The following PDLIM1 variants were observed in gnomAD, a reference collection of about 807,000 sequenced individuals.
PDLIM1 encodes PDZ and LIM domain protein 1.
In PDLIM1, 25 loss-of-function variants were observed where a neutral mutation model predicts 35.2. The observed-to-expected ratio is 0.71, with a 90% CI of 0.52 to 0.99. The LOEUF is 0.99. Ranked by LOEUF, PDLIM1 falls within the 50% of genes least tolerant of loss-of-function variation. The pLI is 0.00. For missense variants in PDLIM1, 363 were observed against 415.3 expected, an observed-to-expected ratio of 0.87 and a Z score of 1.09; for synonymous variants, 152 against 154.0, an observed-to-expected ratio of 0.99 and a Z score of 0.10.
chr10:95,257,443 TAAA>T (rs944159358), intron 4 of PDLIM1, among the ~76,000 whole-genome samples: 2 of 150,304 alleles, frequency 1.3e-5, no homozygotes, highest in Non-Finnish European at 3.0e-5. Context: ...CCAGAATATA[TAAA>T]AAAAAACTCC....
At chr10:95,279,203 A>C (rs1056316739) in intron 1 of PDLIM1, among the ~76,000 whole-genome samples, 1 of 152,226 alleles carries the variant, frequency 6.6e-6, no homozygotes, top group Non-Finnish European at 1.5e-5. Flanking sequence ...CTGATCCTCT[A>C]TATGAGACAC....
At chr10:95,270,731 T>A (rs1348745465) in intron 2 of PDLIM1, among the ~76,000 whole-genome samples, 1 of 152,100 alleles carries the variant, frequency 6.6e-6, no homozygotes, top group Non-Finnish European at 1.5e-5. Context: ...CTCAGCACAA[T>A]GCAGTAGCAG....
At chr10:95,262,410 T>C (rs1265163198) in intron 4 of PDLIM1, among the ~76,000 whole-genome samples, 1 of 152,206 alleles carries the variant, frequency 6.6e-6, no homozygotes, top group East Asian at 1.9e-4. Flanking sequence ...GACCACACAG[T>C]GTTTTCCAAC....
chr10:95,289,332 C>T (rs1331278209), intron 1 of PDLIM1, among the ~76,000 whole-genome samples: 1 of 152,094 alleles, frequency 6.6e-6, no homozygotes, highest in Non-Finnish European at 1.5e-5. Context: ...CTACCAGGCT[C>T]GGGGACGATT....
At chr10:95,238,983 G>T in intron 5 of PDLIM1, 4 of 254,618 alleles carry the variant, frequency 1.6e-5, no homozygotes, top group Non-Finnish European at 1.5e-5. Flanking sequence ...CAAGGCTACA[G>T]TAATCAAAAC....
Position 95,237,707 on chromosome 10 carries a change from A to G in PDLIM1, c.*218T>C. The G allele has an allele frequency of 1.8e-6, 1 of 544,286 alleles. No individual in the cohort carries two copies. The highest frequency in any genetic ancestry group is 3.2e-5 in the Admixed American group (1 of 31,236). 33.7% of individuals were successfully genotyped at this position (544,286 alleles called of 1,614,324 possible). On this transcript the variant is annotated 3_prime_UTR_variant, in exon 7 of 7. Transcript: ENST00000329399. Reference sequence around the variant, plus strand: ...GCGAAGGGACACAGTGTTGCTGACAAGGTGACACTGAACAAAACAGTTTTC... The same window carrying G: ...GCGAAGGGACACAGTGTTGCTGACAGGGTGACACTGAACAAAACAGTTTTC...
chr10:95,279,139 C>T (rs2133439303), intron 1 of PDLIM1, among the ~76,000 whole-genome samples: 1 of 152,286 alleles, frequency 6.6e-6, no homozygotes, highest in East Asian at 1.9e-4. Flanking sequence ...GAAAATCTGG[C>T]AATTCTGGGC....
intron 4 of PDLIM1, among the ~76,000 whole-genome samples, chr10:95,252,284 T>A (rs1326417471): frequency 6.6e-6 from 1 of 152,142 alleles, no homozygotes; most frequent in African/African-American, 2.4e-5. Flanking sequence ...GGAAGCCATA[T>A]GGGGAGCCAG....
At chr10:95,286,891 T>C (rs149461646) in intron 1 of PDLIM1, among the ~76,000 whole-genome samples, 1 of 152,326 alleles carries the variant, frequency 6.6e-6, no homozygotes, top group African/African-American at 2.4e-5. Context: ...CAGCAATTCC[T>C]TGGTGCTTTT....
At chr10:95,248,788 C>A (rs753458159) in intron 4 of PDLIM1, among the ~76,000 whole-genome samples, 2 of 152,218 alleles carry the variant, frequency 1.3e-5, no homozygotes, top group African/African-American at 4.8e-5. Flanking sequence ...CCAGGCTTCC[C>A]GCTGTGCCTG....
intron 1 of PDLIM1, among the ~76,000 whole-genome samples, chr10:95,283,991 G>C (rs753256526): frequency 0.11 from 17,219 of 151,138 alleles, 1,253 homozygotes; most frequent in Middle Eastern, 0.2. Flanking sequence ...CTGTGTGTGT[G>C]TGTGTGTGTG....
At chr10:95,268,473 C>T (rs747648765) in intron 3 of PDLIM1, among the ~76,000 whole-genome samples, 1 of 152,178 alleles carries the variant, frequency 6.6e-6, no homozygotes, top group Non-Finnish European at 1.5e-5. Flanking sequence ...CTGAATAGCT[C>T]CTTGACTTCA....
Position 95,290,965 on chromosome 10 carries a change from G to C in PDLIM1, c.-50C>G, listed in dbSNP as rs2035648869. On this transcript the variant is annotated 5_prime_UTR_variant, in exon 1 of 7. Coordinates refer to ENST00000329399, the MANE Select transcript of PDLIM1 (RefSeq NM_020992.4). The surrounding 1 kb of genome is among the most constrained non-coding windows in gnomAD (Gnocchi z 4.7). ...CCGCGGGGACAGACGGGCAGGACGC[G>C]CGGAACAGCTTGCAGGGCACCCCCG... 1 of 1,232,450 alleles carries C rather than the reference G, an allele frequency of 8.1e-7. No individual in the cohort carries two copies. The highest frequency in any genetic ancestry group is 1.6e-5 in the African/African-American group (1 of 64,462). The allele number at this position is 1,232,450 out of a possible 1,614,324, so 76.3% of individuals were successfully genotyped here.
At chr10:95,272,733 AG>A (rs2035476511) in intron 1 of PDLIM1, among the ~76,000 whole-genome samples, 1 of 152,146 alleles carries the variant, frequency 6.6e-6, no homozygotes, top group Admixed American at 6.5e-5. Flanking sequence ...GATATCCTAA[AG>A]TATGGTAGTA....
chr10:95,247,595 G>C, intron 4 of PDLIM1: 1 of 413,018 alleles, frequency 2.4e-6, no homozygotes, highest in Non-Finnish European at 4.3e-6. Flanking sequence ...CTTCTAAATA[G>C]CTTCAGTAGC....
Position 95,247,094 on chromosome 10 carries a change from A to G in PDLIM1, c.685+121T>C, listed in dbSNP as rs181171646. On this transcript the variant is annotated intron_variant, in intron 5 of 6. Transcript: ENST00000329399. ...CTATCTCTTTTTAAAGAATTTCAGC[A>G]TTTTAAAAGCCCATGCCCTCCAAAG... 1.5e-5 allele frequency: 12 copies of G among 812,408 alleles called. No individual in the cohort carries two copies. In the Admixed American group the frequency reaches 2.9e-4, roughly 20 times the overall value. 50.3% of individuals were successfully genotyped at this position (812,408 alleles called of 1,614,324 possible). A position where few individuals can be genotyped will look rare whatever the true frequency, so the allele number is the denominator to read the frequency against.
chr10:95,246,983 T>C (rs1260340779), intron 5 of PDLIM1, among the ~76,000 whole-genome samples: 4 of 152,170 alleles, frequency 2.6e-5, no homozygotes, highest in Admixed American at 2.0e-4. Flanking sequence ...CAGGACACAG[T>C]TGGCCAGGCC....
At chr10:95,275,987 A>AT (rs2035508537) in intron 1 of PDLIM1, among the ~76,000 whole-genome samples, 1 of 152,200 alleles carries the variant, frequency 6.6e-6, no homozygotes, top group Non-Finnish European at 1.5e-5. Flanking sequence ...ACACATACAG[A>AT]TTAAGTTCAC....
At chr10:95,288,577 G>A (rs1379082452) in intron 1 of PDLIM1, among the ~76,000 whole-genome samples, 2 of 151,174 alleles carry the variant, frequency 1.3e-5, no homozygotes, top group Non-Finnish European at 2.9e-5. Flanking sequence ...AGTAGCCTCA[G>A]ACAGTGGAAG....
Sources: gnomAD v4.1 joint callset for allele counts (sites outside exome capture counted in the v4.1 genomes callset) on GRCh38, gnomAD v4.1.1 for gene constraint, Gnocchi (gnomAD v3.1) non-coding constraint, MANE v1.5 for transcripts, NCBI Gene and HGNC (gene_info 2026-07-23, HGNC 2026-07-21) for gene names.